The following ADGB variants were observed in gnomAD, a reference collection of about 807,000 sequenced individuals.
ADGB encodes the protein calpain-7-like protein.
In ADGB, 172 loss-of-function variants were observed where a neutral mutation model predicts 210.5. That is an observed-to-expected ratio of 0.82 (90% CI 0.72 to 0.93). The LOEUF (loss-of-function observed/expected upper bound fraction) is 0.93. Ranked by LOEUF, ADGB falls within the 40% of genes least tolerant of loss-of-function variation. ADGB has a pLI of 0.00. For missense variants in ADGB, 2,025 were observed against 1,964.8 expected (o/e 1.03, Z -0.58); for synonymous variants, 658 against 662.7 (o/e 0.99, Z 0.11).
intron 8 of ADGB, among the ~76,000 whole-genome samples, chr6:146,673,001 G>C (rs1391445974): frequency 6.6e-6 from 1 of 152,090 alleles, no homozygotes; most frequent in Admixed American, 6.5e-5. Flanking sequence ...AAAGTGTTGG[G>C]ATTACAGGTG....
At chr6:146,760,998 A>T (rs62434382) in intron 27 of ADGB, among the ~76,000 whole-genome samples, 28,576 of 151,810 alleles carry the variant, frequency 0.19, 2,967 homozygotes, top group East Asian at 0.38. Context: ...TCTGGATACA[A>T]GTTCTTCATC....
chr6:146,680,199 G>A (rs977623689), intron 9 of ADGB, among the ~76,000 whole-genome samples: 23 of 152,036 alleles, frequency 1.5e-4, no homozygotes, highest in Non-Finnish European at 2.8e-4. Flanking sequence ...GAAGCAAAGC[G>A]ATACATACCA....
At position 146,712,341 on chromosome 6, in the gene ADGB, C is replaced by T. The variant is rs185440471; in HGVS notation, c.1708-3041C>T. Among the ~76,000 whole-genome samples, 13 of 136,832 alleles carry T rather than the reference C, an allele frequency of 9.5e-5. No homozygotes were observed. In the East Asian group the frequency reaches 2.5e-3, roughly 26 times the overall value. The allele number at this position is 136,832 out of a possible 152,430, so 89.8% of individuals were successfully genotyped here. A position where few individuals can be genotyped will look rare whatever the true frequency, so the allele number is the denominator to read the frequency against. The stretch of plus-strand genomic sequence containing the variant: ...CTGGGGCTACAGGCACTTGTCACCA[C>T]ACCAGGCTAATTTTTTTGTATTTTT... On this transcript the variant is annotated intron_variant, in intron 13 of 35. Coordinates refer to ENST00000397944, the MANE Select transcript of ADGB (RefSeq NM_024694.4).
chr6:146,727,183 A>C (rs1395496008), intron 19 of ADGB, among the ~76,000 whole-genome samples: 1 of 151,928 alleles, frequency 6.6e-6, no homozygotes, highest in Non-Finnish European at 1.5e-5. Context: ...CTACCAAAAA[A>C]AAAAAAAAAT....
chr6:146,808,524 T>C (rs1297869757), intron 35 of ADGB, among the ~76,000 whole-genome samples: 5 of 152,186 alleles, frequency 3.3e-5, no homozygotes, highest in African/African-American at 1.2e-4. Context: ...CTTAGAACAA[T>C]GCAATGAGTG....
intron 28 of ADGB, among the ~76,000 whole-genome samples, chr6:146,766,024 G>A (rs1415897862): frequency 6.6e-6 from 1 of 151,934 alleles, no homozygotes; most frequent in East Asian, 1.9e-4. Context: ...ACCAAATACA[G>A]AACAAAAAAT....
chr6:146,683,558 T>C (rs1242209805), intron 9 of ADGB, among the ~76,000 whole-genome samples: 1 of 152,104 alleles, frequency 6.6e-6, no homozygotes, highest in Admixed American at 6.6e-5. Context: ...ACATTACATA[T>C]TACAATCCCA....
rs1366265062 is a variant in ADGB at position 146,801,689 on chromosome 6, A to AT, written c.4635-133dup. Reference sequence around the variant, plus strand: ...TAGCATATCTAGAAAACAACCATTTATTTTTTCTATCCCTAATGTTTTATT... The same window carrying AT: ...TAGCATATCTAGAAAACAACCATTTATTTTTTTCTATCCCTAATGTTTTATT... On this transcript the variant is annotated intron_variant, in intron 34 of 35. Transcript: ENST00000397944. 8 of 672,088 alleles carry AT rather than the reference A, an allele frequency of 1.2e-5. 1 individual carries two copies. Among genetic ancestry groups the AT allele is most frequent in the Non-Finnish European group, 1.8e-5 (8 of 435,340 alleles). 41.6% of individuals were successfully genotyped at this position (672,088 alleles called of 1,614,324 possible).
chr6:146,615,285 C>A (rs1208515711), intron 1 of ADGB, among the ~76,000 whole-genome samples: 2 of 150,138 alleles, frequency 1.3e-5, no homozygotes, highest in African/African-American at 5.0e-5. Context: ...TGTGCTAAGC[C>A]ATTCATGAGG....
chr6:146,623,010 A>T (rs1246982913), intron 1 of ADGB, among the ~76,000 whole-genome samples: 3 of 152,010 alleles, frequency 2.0e-5, no homozygotes, highest in Non-Finnish European at 4.4e-5. Flanking sequence ...TCAGCTGTCC[A>T]TATGAATATG....
intron 13 of ADGB, among the ~76,000 whole-genome samples, chr6:146,704,514 C>T (rs1416421889): frequency 3.9e-5 from 6 of 151,962 alleles, no homozygotes; most frequent in Admixed American, 1.3e-4. Context: ...GGTGACATTC[C>T]TCTTTTGTAA....
Position 146,736,567 on chromosome 6 carries a change from A to G in ADGB, c.2864A>G (p.Glu955Gly). ...KVWAVLEMNL[E>G]QYAVSLLRLM... Reference sequence around the variant, plus strand: ...TGGGCTGTATTGGAAATGAATTTAGAACAGTATGCAGTTTCTCTCTTAAGG... The same window carrying G: ...TGGGCTGTATTGGAAATGAATTTAGGACAGTATGCAGTTTCTCTCTTAAGG... The change falls in exon 23 of 36, where the codon GAA (glutamate) becomes GGA (glycine). Residue 955 changes from glutamate to glycine, a missense_variant. Coordinates refer to ENST00000397944, the MANE Select transcript of ADGB (RefSeq NM_024694.4). 6.5e-7 allele frequency: 1 copy of G among 1,548,898 alleles called. No individual in the cohort carries two copies. Among genetic ancestry groups the G allele is most frequent in the Non-Finnish European group, 8.7e-7 (1 of 1,145,264 alleles).
At chr6:146,706,850 T>C (rs1025394227) in intron 13 of ADGB, among the ~76,000 whole-genome samples, 14 of 150,412 alleles carry the variant, frequency 9.3e-5, no homozygotes, top group African/African-American at 2.7e-4. Flanking sequence ...TTAGTGTTTT[T>C]TTTTTTTTTT....
At chr6:146,750,081 C>A (rs1777298529) in intron 26 of ADGB, among the ~76,000 whole-genome samples, 1 of 152,274 alleles carries the variant, frequency 6.6e-6, no homozygotes, top group South Asian at 2.1e-4. Flanking sequence ...GAGTTGTCTG[C>A]TTCCACTCTT....
At chr6:146,687,448 G>A (rs969519814) in intron 10 of ADGB, among the ~76,000 whole-genome samples, 20 of 152,002 alleles carry the variant, frequency 1.3e-4, no homozygotes, top group African/African-American at 3.6e-4. Flanking sequence ...TATGCACCAC[G>A]GAATACTACG....
intron 13 of ADGB, among the ~76,000 whole-genome samples, chr6:146,708,889 T>A (rs1249781418): frequency 6.6e-6 from 1 of 152,144 alleles, no homozygotes; most frequent in Non-Finnish European, 1.5e-5. Flanking sequence ...GTAGTCCTTT[T>A]TCATTCCTTT....
chr6:146,670,893 C>G (rs557880023), intron 7 of ADGB, among the ~76,000 whole-genome samples: 1 of 152,240 alleles, frequency 6.6e-6, no homozygotes, highest in Non-Finnish European at 1.5e-5. Flanking sequence ...AGAACAGAAA[C>G]CTATAGTTTA....
chr6:146,815,405 C>T lies in ADGB; in HGVS notation c.*188C>T. ...TTTGAAGCCATTTGAGTTTAAGATG[C>T]TCTAATTTCAATAAAATAGCTTCCA... On this transcript the variant is annotated 3_prime_UTR_variant, in exon 36 of 36. Coordinates refer to ENST00000397944, the MANE Select transcript of ADGB (RefSeq NM_024694.4). The T allele has an allele frequency of 2.6e-6, 1 of 379,998 alleles. No individual in the cohort carries two copies. The highest frequency in any genetic ancestry group is 2.1e-5 in the African/African-American group (1 of 47,672). 23.5% of individuals were successfully genotyped at this position (379,998 alleles called of 1,614,324 possible).
intron 29 of ADGB, among the ~76,000 whole-genome samples, chr6:146,773,013 G>A (rs1157264397): frequency 6.6e-6 from 1 of 152,048 alleles, no homozygotes; most frequent in Non-Finnish European, 1.5e-5. Flanking sequence ...CCTAAAGAGG[G>A]ACTGATTCCT....
Sources: gnomAD v4.1 joint callset for allele counts (sites outside exome capture counted in the v4.1 genomes callset) on GRCh38, gnomAD v4.1.1 for gene constraint, MANE v1.5 for transcripts, NCBI Gene and HGNC (gene_info 2026-07-23, HGNC 2026-07-21) for gene names.